Variants in VSIG1 observed in about 807,000 individuals in gnomAD.
The protein encoded by VSIG1 is V-set and immunoglobulin domain-containing protein 1.
A neutral mutation model predicts 20.1 loss-of-function variants in VSIG1; 11 were observed. The observed-to-expected ratio is 0.55, with a 90% CI of 0.34 to 0.91. The LOEUF is 0.91. Among genes scored for constraint, VSIG1 ranks in the 40% least tolerant of loss-of-function variants. VSIG1 has a pLI of 0.02. For synonymous variants in VSIG1, 126 were observed against 116.7 expected, an observed-to-expected ratio of 1.08 and a Z score of -0.52; for missense variants, 283 against 298.8, an observed-to-expected ratio of 0.95 and a Z score of 0.39.
intron 2 of VSIG1, among the ~76,000 whole-genome samples, chrX:108,061,744 C>T (rs1426828713): frequency 9.1e-6 from 1 of 109,964 alleles, no homozygotes; most frequent in Admixed American, 9.6e-5. Context: ...GGCTCAGGAC[C>T]CTATTGCTGC....
At chrX:108,037,041 CA>C in the VSIG1 span, among the ~76,000 whole-genome samples, 16 of 111,389 alleles carry the variant, frequency 1.4e-4, no homozygotes, top group African/African-American at 5.2e-4. Context: ...TTTGAAGTGC[CA>C]GGGGGATCTT....
intron 1 of VSIG1, 85 bp from the exon 2 acceptor site, chrX:108,057,953 G>T: frequency 2.2e-6 from 2 of 927,199 alleles, no homozygotes; most frequent in Non-Finnish European, 2.9e-6. Context: ...CCTCAAATAG[G>T]ATGTCTTTGT....
chrX:108,067,341 G>A (rs1291671465), intron 3 of VSIG1, among the ~76,000 whole-genome samples: 1 of 111,414 alleles, frequency 9.0e-6, no homozygotes, highest in Non-Finnish European at 1.9e-5. Context: ...GAACAATTGT[G>A]CAAACGGGCT....
At chrX:108,073,458 A>C in intron 5 of VSIG1, 89 bp downstream of exon 5, 1 of 1,054,434 alleles carries the variant, frequency 9.5e-7, no homozygotes, top group Non-Finnish European at 1.3e-6. Context: ...ATCCCCAGTT[A>C]GTGCTTCCTG....
rs1439680229 is a variant in VSIG1 at position 108,077,615 on chromosome X, CA to C, written c.*237del. ...CAATTTTACTAACACGTAAGCATAACAAATGACAGGGCAAGTGATTTCTAAC... is the reference window on the plus strand; with the variant it reads ...CAATTTTACTAACACGTAAGCATAACAATGACAGGGCAAGTGATTTCTAAC... On this transcript the variant is annotated 3_prime_UTR_variant, in exon 7 of 7. Coordinates refer to ENST00000217957, the MANE Select transcript of VSIG1 (RefSeq NM_182607.5). 5.5e-6 allele frequency: 2 copies of C among 360,700 alleles called. No individual in the cohort carries two copies. Among genetic ancestry groups the C allele is most frequent in the African/African-American group, 5.1e-5 (2 of 38,876 alleles). 29.7% of individuals were successfully genotyped at this position (360,700 alleles called of 1,213,427 possible).
chrX:108,038,925 A>G, the VSIG1 span, among the ~76,000 whole-genome samples: 1 of 111,946 alleles, frequency 8.9e-6, no homozygotes, highest in African/African-American at 3.2e-5. Flanking sequence ...ATAAGAATTA[A>G]TGATATTTTT....
At chrX:108,053,306 C>A (rs916562286) in intron 1 of VSIG1, among the ~76,000 whole-genome samples, 1 of 111,402 alleles carries the variant, frequency 9.0e-6, no homozygotes, top group African/African-American at 3.3e-5. Flanking sequence ...ATTATAACAC[C>A]ATTTTATACT....
chrX:108,039,715 C>A, the VSIG1 span, among the ~76,000 whole-genome samples: 86 of 109,921 alleles, frequency 7.8e-4, no homozygotes, highest in African/African-American at 2.8e-3. Flanking sequence ...AAGAGGGGGG[C>A]AGCAAAGATG....
At chrX:108,054,819 C>T (rs1426228918) in intron 1 of VSIG1, among the ~76,000 whole-genome samples, 1 of 108,604 alleles carries the variant, frequency 9.2e-6, no homozygotes, top group African/African-American at 3.3e-5. Context: ...TAAAGCAATT[C>T]TGAGAGAGAA....
chrX:108,040,351 A>G (rs1460628367), upstream of VSIG1, among the ~76,000 whole-genome samples: 1 of 112,007 alleles, frequency 8.9e-6, no homozygotes, highest in Non-Finnish European at 1.9e-5. Context: ...TAAAAATAAA[A>G]GGCTGAGGAC....
At position 108,066,972 on chromosome X, in the gene VSIG1, G is replaced by A. The variant is rs776349149; in HGVS notation, c.250G>A (p.Gly84Arg). The change falls in exon 3 of 7, where the codon GGG (glycine) becomes AGG (arginine). Residue 84 changes from glycine to arginine, a missense_variant. Transcript: ENST00000217957. ...FSQGGQAVAI[G>R]QFKDRITGSN... The stretch of plus-strand genomic sequence containing the variant: ...TCAAGGTGGACAAGCTGTAGCCATC[G>A]GGCAATTTAAAGATCGAATTACAGG... The A allele has an allele frequency of 5.4e-5, 65 of 1,209,313 alleles. No individual in the cohort carries two copies. Among genetic ancestry groups the A allele is most frequent in the Middle Eastern group, 4.6e-4 (2 of 4,371 alleles).
chrX:108,064,964 G>A (rs1253653605), intron 2 of VSIG1, among the ~76,000 whole-genome samples: 1 of 111,958 alleles, frequency 8.9e-6, no homozygotes, highest in Non-Finnish European at 1.9e-5. Flanking sequence ...TTTCTGGTTT[G>A]GAAGTCAAAC....
intron 2 of VSIG1, among the ~76,000 whole-genome samples, chrX:108,065,883 A>T (rs1009421442): frequency 8.9e-6 from 1 of 111,900 alleles, no homozygotes; most frequent in African/African-American, 3.3e-5. Context: ...CTCTTTTCTC[A>T]TTCAGATGTG....
rs2030688074 is a variant in VSIG1 at position 108,047,971 on chromosome X, T to TATATATATACACAC, written c.49+2801_49+2802insCACACATATATATA. 1.0e-4 allele frequency among the ~76,000 whole-genome samples: 6 copies of TATATATATACACAC among 57,729 alleles called. 1 individual carries two copies. Among genetic ancestry groups the TATATATATACACAC allele is most frequent in the African/African-American group, 4.5e-4 (6 of 13,396 alleles). The allele number at this position is 57,729 out of a possible 115,157, so 50.1% of individuals were successfully genotyped here. On this transcript the variant is annotated intron_variant, in intron 1 of 6. Transcript: ENST00000217957. ...ATATATATACACACACATATATATA[T>TATATATATACACAC]ATATATATATATATATATATATATA...
rs748120564 is a variant in VSIG1, at chrX:108,076,194, A to G, written c.806A>G (p.Asn269Ser). 28 of 1,210,122 alleles carry G rather than the reference A, an allele frequency of 2.3e-5. No homozygotes were observed. Among genetic ancestry groups the G allele is most frequent in the Non-Finnish European group, 2.9e-5 (26 of 894,498 alleles). The change falls in exon 6 of 7, where the codon AAT becomes AGT. Residue 269 changes from asparagine (N) to serine (S), a missense_variant. Asn to Ser is a conservative substitution (Grantham distance 46). Coordinates refer to ENST00000217957, the MANE Select transcript of VSIG1 (RefSeq NM_182607.5). ...NKAKAKAKER[N>S]SKTIAELEPM... ...GCAAAAGCAAAGGCAAAAGAAAGAA[A>G]TTCTAAGACCATCGCGGAACTTGAG...
chrX:108,053,099 A>G (rs1297072969), intron 1 of VSIG1, among the ~76,000 whole-genome samples: 1 of 112,463 alleles, frequency 8.9e-6, no homozygotes, highest in East Asian at 2.8e-4. Flanking sequence ...TCTCAGTTGA[A>G]GGAAAACAAA....
At chrX:108,065,365 G>C (rs1214487357) in intron 2 of VSIG1, among the ~76,000 whole-genome samples, 1 of 111,597 alleles carries the variant, frequency 9.0e-6, no homozygotes, top group Non-Finnish European at 1.9e-5. Context: ...CTGGGCTTTG[G>C]TTTCTTCTGT....
chrX:108,042,617 C>T (rs370891353), upstream of VSIG1, among the ~76,000 whole-genome samples: 2 of 111,633 alleles, frequency 1.8e-5, no homozygotes, highest in African/African-American at 3.3e-5. Flanking sequence ...CCCCATCCCA[C>T]GTCCTCACCA....
At chrX:108,036,855 T>G in the VSIG1 span, among the ~76,000 whole-genome samples, 4 of 111,619 alleles carry the variant, frequency 3.6e-5, no homozygotes, top group East Asian at 1.1e-3. Flanking sequence ...CTGAGAAAAA[T>G]TACTGTCCTT....
Sources: gnomAD v4.1 joint callset for allele counts (sites outside exome capture counted in the v4.1 genomes callset) on GRCh38, gnomAD v4.1.1 for gene constraint, MANE v1.5 for transcripts, NCBI Gene and HGNC (gene_info 2026-07-23, HGNC 2026-07-21) for gene names.